The following R3HDM4 variants were observed in gnomAD, a reference collection of about 807,000 sequenced individuals.
R3HDM4 encodes the protein R3H domain-containing protein 4.
R3HDM4 carries 30 observed loss-of-function variants against 31.3 expected under a neutral mutation model. That is an observed-to-expected ratio of 0.96 (90% CI 0.72 to 1.30). R3HDM4 has a LOEUF of 1.30. Among genes scored for constraint, R3HDM4 ranks in the 50% most tolerant of loss-of-function variants. The pLI is 0.00. For synonymous variants in R3HDM4, 196 were observed against 156.6 expected (o/e 1.25, Z -1.88); for missense variants, 444 against 366.1 (o/e 1.21, Z -1.74).
In R3HDM4 at chr19:897,339, G is replaced by A. The variant is rs548438028; in HGVS notation, c.*98C>T. ...ACCACCCCAAGCGAAAAAGGTTTCC[G>A]AGGACAAATTCTAAAAATATGAAAG... On this transcript the variant is annotated 3_prime_UTR_variant, in exon 8 of 8. Transcript: ENST00000361574. 7.7e-5 allele frequency: 74 copies of A among 962,784 alleles called. No individual in the cohort carries two copies. The highest frequency in any genetic ancestry group is 3.3e-4 in the East Asian group (12 of 35,946). 59.6% of individuals were successfully genotyped at this position (962,784 alleles called of 1,614,324 possible).
rs533734705 is a variant in R3HDM4, at chr19:900,125, C to T, written c.497G>A (p.Arg166His). 6 of 1,599,804 alleles carry T rather than the reference C, an allele frequency of 3.8e-6. No homozygotes were observed. The highest frequency in any genetic ancestry group is 4.5e-5 in the East Asian group (2 of 44,472). The change falls in exon 5 of 8, where the codon CGC becomes CAC. Residue 166 changes from arginine (R) to histidine (H), a missense_variant. Physicochemically the swap from Arg to His is conservative, Grantham distance 29. Coordinates refer to ENST00000361574, the MANE Select transcript of R3HDM4 (RefSeq NM_138774.4). ...RRREDPAYTP[R>H]ECFQRISRRL... ...CCGGCTGATGCGCTGGAAGCACTCG[C>T]GGGGTGTATAGGCGGGGTCCTCTGC...
intron 4 of R3HDM4, 31 bp downstream of exon 4, chr19:900,798 C>T: frequency 2.2e-6 from 3 of 1,338,994 alleles, no homozygotes; most frequent in African/African-American, 1.6e-5. Context: ...TACCCTGGCC[C>T]CACCCATACC....
In R3HDM4 at chr19:913,043, A is replaced by T. The variant is rs947541432; in HGVS notation, c.71+44T>A. ...GAGAGGATCTCAGGGGAGGGAGCCC[A>T]GCCCGCCCCCGGCGCCCGCCGCGCC... On this transcript the variant is annotated intron_variant, in intron 1 of 7. Coordinates refer to ENST00000361574, the MANE Select transcript of R3HDM4 (RefSeq NM_138774.4). This position sits in a 1 kb window ranked among gnomAD's most constrained non-coding sequence, Gnocchi z 5.0. The T allele has an allele frequency of 1.5e-4, 116 of 777,328 alleles. 2 individuals are homozygous for T. The highest frequency in any genetic ancestry group is 1.8e-4 in the Non-Finnish European group (113 of 631,702). 48.2% of individuals were successfully genotyped at this position (777,328 alleles called of 1,614,324 possible).
chr19:897,810 C>A (rs758776900), intron 7 of R3HDM4, among the ~76,000 whole-genome samples: 2 of 152,246 alleles, frequency 1.3e-5, no homozygotes, highest in Non-Finnish European at 2.9e-5. Context: ...GACCCTGAAA[C>A]GCACTGGGCC....
At chr19:908,437 G>A (rs1217770429) in intron 1 of R3HDM4, among the ~76,000 whole-genome samples, 15 of 151,292 alleles carry the variant, frequency 9.9e-5, no homozygotes, top group Non-Finnish European at 1.5e-4. Flanking sequence ...TGAAACTCCC[G>A]TCTCTACTAA....
At chr19:909,237 C>G (rs940737438) in intron 1 of R3HDM4, among the ~76,000 whole-genome samples, 1 of 152,136 alleles carries the variant, frequency 6.6e-6, no homozygotes, top group South Asian at 2.1e-4. Flanking sequence ...CTCAGTCCCT[C>G]GAGCAAAAAC....
At chr19:901,361 T>C (rs1014531776) in intron 3 of R3HDM4, 61 bp downstream of exon 3, 11 of 1,548,224 alleles carry the variant, frequency 7.1e-6, no homozygotes. Context: ...GGCGATGGCC[T>C]GGCCGTAGGA....
rs2037004336 is a variant in R3HDM4, at chr19:913,171, T to C, written c.-14A>G. ...CAGCGCGACCATGGCTCGCACGCTG[T>C]CGCCGCCGCCGCCGCCCGGCAGGGC... On this transcript the variant is annotated 5_prime_UTR_variant, in exon 1 of 8. Transcript: ENST00000361574. The surrounding 1 kb of genome is among the most constrained non-coding windows in gnomAD (Gnocchi z 5.0). 1.9e-6 allele frequency: 2 copies of C among 1,063,674 alleles called. No homozygotes were observed. Among genetic ancestry groups the C allele is most frequent in the Admixed American group, 1.1e-4 (2 of 18,480 alleles). The allele number at this position is 1,063,674 out of a possible 1,614,324, so 65.9% of individuals were successfully genotyped here. A position where few individuals can be genotyped will look rare whatever the true frequency, so the allele number is the denominator to read the frequency against.
At chr19:906,031 C>CTT (rs35795884) in intron 1 of R3HDM4, among the ~76,000 whole-genome samples, 8 of 147,444 alleles carry the variant, frequency 5.4e-5, no homozygotes, top group Admixed American at 1.4e-4. Context: ...CTGAAACCCC[C>CTT]TTTTTTTTTT....
chr19:901,768 GC>G lies in R3HDM4; in HGVS notation c.226+207del, dbSNP rs925225282. On this transcript the variant is annotated intron_variant, in intron 2 of 7. Transcript: ENST00000361574. ...AAGCCCCAGCTCCAATGCCCGGGGC[GC>G]CCTCCCACCCAGCCCTGATCCAAGA... is the stretch of plus-strand genomic sequence containing the variant. 4 of 727,524 alleles carry G rather than the reference GC, an allele frequency of 5.5e-6. No individual in the cohort carries two copies. The African/African-American group carries it at 7.1e-5, about 13-fold the overall frequency. 45.1% of individuals were successfully genotyped at this position (727,524 alleles called of 1,614,324 possible). A position where few individuals can be genotyped will look rare whatever the true frequency, so the allele number is the denominator to read the frequency against.
intron 1 of R3HDM4, among the ~76,000 whole-genome samples, chr19:905,042 A>C (rs1272275261): frequency 6.6e-6 from 1 of 152,140 alleles, no homozygotes; most frequent in Admixed American, 6.5e-5. Context: ...CCCCGTCTCT[A>C]CTAAAAATAC....
At chr19:901,876 C>T in intron 2 of R3HDM4, 100 bp downstream of exon 2, 1 of 1,468,818 alleles carries the variant, frequency 6.8e-7, no homozygotes, top group Non-Finnish European at 9.3e-7. Context: ...CCAGCCCCAC[C>T]CAGGCACAGC....
intron 1 of R3HDM4, among the ~76,000 whole-genome samples, chr19:912,048 G>T (rs1311701365): frequency 1.4e-5 from 2 of 143,598 alleles, no homozygotes; most frequent in East Asian, 4.2e-4. Flanking sequence ...GCACCTCGGG[G>T]CCCGGGGAGT....
intron 1 of R3HDM4, among the ~76,000 whole-genome samples, chr19:903,818 A>T (rs2036869022): frequency 6.6e-6 from 1 of 152,118 alleles, no homozygotes; most frequent in South Asian, 2.1e-4. Context: ...TGGGAGGCCG[A>T]GGCGGGCGGA....
Position 903,561 on chromosome 19 carries a change from TGAGGGG to T in R3HDM4, c.72-1437_72-1432del, listed in dbSNP as rs1292792358. 6.7e-5 allele frequency among the ~76,000 whole-genome samples: 10 copies of T among 149,004 alleles called. No homozygotes were observed. The East Asian group carries it at 2.0e-3, about 29-fold the overall frequency. The stretch of plus-strand genomic sequence containing the variant: ...ACCCGGCACCTGGGAAGCGGGCCGG[TGAGGGG>T]GGGCCTCATGGATGGGGACTTTTCT... On this transcript the variant is annotated intron_variant, in intron 1 of 7. Transcript: ENST00000361574.
intron 1 of R3HDM4, among the ~76,000 whole-genome samples, chr19:910,850 T>G (rs940866970): frequency 6.6e-6 from 1 of 152,168 alleles, no homozygotes; most frequent in Admixed American, 6.6e-5. Context: ...GCCGGCGCGG[T>G]GGCTCACGCC....
Position 901,556 on chromosome 19 carries a change from A to C in R3HDM4, c.227-10T>G, listed in dbSNP as rs1198759884. ...GTCAGGAGGTACTGGGCTAGGTGGA[A>C]ACAGATGCTCTCTGGGCCGGGGTGG... On this transcript the variant is annotated splice_polypyrimidine_tract_variant and intron_variant, in intron 2 of 7. Transcript: ENST00000361574. The C allele has an allele frequency of 6.3e-7, 1 of 1,598,770 alleles. No homozygotes were observed. Among genetic ancestry groups the C allele is most frequent in the Non-Finnish European group, 8.5e-7 (1 of 1,176,456 alleles).
In R3HDM4 at chr19:913,097, G is replaced by T; in HGVS notation, c.61C>A (p.Arg21=). The T allele has an allele frequency of 3.7e-6, 4 of 1,068,660 alleles. No individual in the cohort carries two copies. The highest frequency in any genetic ancestry group is 4.5e-6 in the Non-Finnish European group (4 of 884,756). The allele number at this position is 1,068,660 out of a possible 1,614,324, so 66.2% of individuals were successfully genotyped here. ...PEAAEGTPGG[R]RLLPLPSCLP... ...CCCGCCCGCGCTCACAGCAGCCGCC[G>T]CCCGCCCGGGGTGCCCTCCGCCGCC... Residue 21 remains arginine, a synonymous_variant, in exon 1 of 8, where the codon CGG becomes AGG. Coordinates refer to ENST00000361574, the MANE Select transcript of R3HDM4 (RefSeq NM_138774.4). This position sits in a 1 kb window ranked among gnomAD's most constrained non-coding sequence, Gnocchi z 5.0.
chr19:906,137 G>T (rs1400129783), intron 1 of R3HDM4, among the ~76,000 whole-genome samples: 1 of 151,780 alleles, frequency 6.6e-6, no homozygotes, highest in Non-Finnish European at 1.5e-5. Flanking sequence ...TGATTCTCCT[G>T]CCTCAGCCTC....
Sources: gnomAD v4.1 joint callset for allele counts (sites outside exome capture counted in the v4.1 genomes callset) on GRCh38, gnomAD v4.1.1 for gene constraint, Gnocchi (gnomAD v3.1) non-coding constraint, MANE v1.5 for transcripts, NCBI Gene and HGNC (gene_info 2026-07-23, HGNC 2026-07-21) for gene names.